Variants in ABCG2 observed in about 807,000 individuals in gnomAD.
ABCG2 encodes the protein broad substrate specificity ATP-binding cassette transporter ABCG2.
In ABCG2, 80 loss-of-function variants were observed where a neutral mutation model predicts 73.5. That is an observed-to-expected ratio of 1.09 (90% CI 0.91 to 1.31). The LOEUF is 1.31. ABCG2 is among the 50% of genes most tolerant of loss of function. ABCG2 has a pLI of 0.00. For missense variants in ABCG2, 796 were observed against 786.2 expected, an observed-to-expected ratio of 1.01 and a Z score of -0.15; for synonymous variants, 269 against 282.4, an observed-to-expected ratio of 0.95 and a Z score of 0.48.
At chr4:88,198,168 C>T (rs1729012554) in intron 1 of ABCG2, among the ~76,000 whole-genome samples, 1 of 151,614 alleles carries the variant, frequency 6.6e-6, no homozygotes, top group Admixed American at 6.6e-5. Flanking sequence ...CCCGTCTCTA[C>T]TAAAAATACA....
chr4:88,205,662 C>T (rs72877212), intron 1 of ABCG2, among the ~76,000 whole-genome samples: 6,261 of 141,074 alleles, frequency 0.044, 440 homozygotes, highest in African/African-American at 0.15. Context: ...AGCCCTTTAT[C>T]ATTTTATCTT....
At chr4:88,164,717 A>T (rs543458952) in intron 1 of ABCG2, among the ~76,000 whole-genome samples, 1 of 152,320 alleles carries the variant, frequency 6.6e-6, no homozygotes, top group East Asian at 1.9e-4. Context: ...TTTTTAAAAA[A>T]TTGTAACAAA....
chr4:88,091,481 C>G lies in ABCG2; in HGVS notation c.*753G>C, dbSNP rs996021200. 1 of 152,094 alleles carries G rather than the reference C, an allele frequency of 6.6e-6. No homozygotes were observed. Among genetic ancestry groups the G allele is most frequent in the Non-Finnish European group, 1.5e-5 (1 of 68,036 alleles). The allele number at this position is 152,094 out of a possible 1,614,324, so 9.4% of individuals were successfully genotyped here. On this transcript the variant is annotated 3_prime_UTR_variant, in exon 16 of 16. Coordinates refer to ENST00000237612, the MANE Select transcript of ABCG2 (RefSeq NM_004827.3). ...CAGATTTTTGTATTTTAGCAAAGTT[C>G]CTCAGATGATTCTGACGCACACCTG... is the stretch of plus-strand genomic sequence containing the variant.
chr4:88,157,595 A>G (rs1727031432), intron 1 of ABCG2, among the ~76,000 whole-genome samples: 1 of 152,222 alleles, frequency 6.6e-6, no homozygotes, highest in Non-Finnish European at 1.5e-5. Context: ...AAAATAACCA[A>G]CATCTTTCAA....
At chr4:88,178,205 G>A (rs907784861) in intron 1 of ABCG2, among the ~76,000 whole-genome samples, 1 of 152,152 alleles carries the variant, frequency 6.6e-6, no homozygotes, top group Non-Finnish European at 1.5e-5. Context: ...GAGTAAAGAT[G>A]ACTTTGTCTT....
At position 88,131,225 on chromosome 4, in the gene ABCG2, T is replaced by C. The variant is rs2231141; in HGVS notation, c.379-12A>G. The C allele has an allele frequency of 1.4e-5, 23 of 1,613,204 alleles. 1 individual carries two copies. In the South Asian group the frequency reaches 1.9e-4, roughly 13 times the overall value. On this transcript the variant is annotated splice_polypyrimidine_tract_variant and intron_variant, in intron 4 of 15. Transcript: ENST00000237612. ...ATCACAACATCATCCTTAAGGCAAA[T>C]AGCATTTTAATGAGACATAATGATA...
chr4:88,230,308 T>TATGTATATATATATATATATATA (rs746680651), intron 1 of ABCG2, among the ~76,000 whole-genome samples: 1 of 96,236 alleles, frequency 1.0e-5, no homozygotes, highest in East Asian at 2.6e-4. Flanking sequence ...TATATATATA[T>TATGTATATATATATATATATATA]TTTTTTTTTT....
At chr4:88,122,443 C>T (rs1280252452) in intron 5 of ABCG2, among the ~76,000 whole-genome samples, 1 of 152,188 alleles carries the variant, frequency 6.6e-6, no homozygotes, top group Non-Finnish European at 1.5e-5. Context: ...ACTGCCAGCA[C>T]AGCAGTCTAA....
intron 1 of ABCG2, among the ~76,000 whole-genome samples, chr4:88,221,587 G>A (rs4693938): frequency 0.99 from 151,454 of 152,288 alleles, 75,317 homozygotes; most frequent in East Asian, 1. Flanking sequence ...AAATGCTGAT[G>A]GTGATATGGA....
chr4:88,184,459 C>CAAATA (rs938675266), intron 1 of ABCG2, among the ~76,000 whole-genome samples: 1 of 151,724 alleles, frequency 6.6e-6, no homozygotes, highest in African/African-American at 2.4e-5. Context: ...ACAATAGCTA[C>CAAATA]AAATAAAATA....
intron 1 of ABCG2, among the ~76,000 whole-genome samples, chr4:88,180,717 C>T (rs1728202087): frequency 6.6e-6 from 1 of 152,020 alleles, no homozygotes; most frequent in South Asian, 2.1e-4. Flanking sequence ...CATGCCACTG[C>T]ACCCTAACCT....
chr4:88,107,308 A>T (rs756164052), intron 9 of ABCG2, 42 bp from the exon 10 acceptor site: 1 of 1,401,224 alleles, frequency 7.1e-7, no homozygotes, highest in Non-Finnish European at 9.9e-7. Context: ...AAGAGTTTCA[A>T]TTAGAGATAA....
intron 1 of ABCG2, among the ~76,000 whole-genome samples, chr4:88,147,000 A>C (rs1038181797): frequency 1.8e-5 from 2 of 108,142 alleles, no homozygotes; most frequent in African/African-American, 8.7e-5. Flanking sequence ...GAAAGAAAGA[A>C]GAAAGAGAAA....
At chr4:88,129,424 G>T (rs1166163079) in intron 5 of ABCG2, among the ~76,000 whole-genome samples, 3 of 152,078 alleles carry the variant, frequency 2.0e-5, no homozygotes, top group Non-Finnish European at 4.4e-5. Flanking sequence ...AAACTAGGAA[G>T]TCAATAGCTG....
intron 10 of ABCG2, among the ~76,000 whole-genome samples, chr4:88,106,500 T>G (rs916745482): frequency 6.6e-6 from 1 of 152,124 alleles, no homozygotes; most frequent in Non-Finnish European, 1.5e-5. Flanking sequence ...CTAAAGGAAA[T>G]GAGTCAGTTA....
chr4:88,194,436 G>T (rs1465757624), intron 1 of ABCG2, among the ~76,000 whole-genome samples: 1 of 151,738 alleles, frequency 6.6e-6, no homozygotes, highest in East Asian at 2.0e-4. Context: ...TGTAGTCCCA[G>T]CTACTCGGGA....
chr4:88,215,025 G>A (rs921708340), intron 1 of ABCG2, among the ~76,000 whole-genome samples: 1 of 152,134 alleles, frequency 6.6e-6, no homozygotes, highest in Non-Finnish European at 1.5e-5. Flanking sequence ...CCAGGACGTT[G>A]AGGTTTCAGT....
At chr4:88,176,157 G>GTTTTTTTTTTTTTTTT (rs139194019) in intron 1 of ABCG2, among the ~76,000 whole-genome samples, 1 of 150,706 alleles carries the variant, frequency 6.6e-6, no homozygotes, top group African/African-American at 2.5e-5. Context: ...GATTATTCTT[G>GTTTTTTTTTTTTTTTT]TTTTTTTTTT....
At chr4:88,147,374 T>C (rs1726130853) in intron 1 of ABCG2, among the ~76,000 whole-genome samples, 2 of 152,246 alleles carry the variant, frequency 1.3e-5, no homozygotes, top group South Asian at 4.1e-4. Flanking sequence ...TAAAACGTTC[T>C]GCAAGCTTGG....
Sources: allele counts gnomAD v4.1 joint callset (sites outside exome capture counted in the v4.1 genomes callset), GRCh38; gene constraint gnomAD v4.1.1; transcripts MANE v1.5; gene names NCBI Gene and HGNC (gene_info 2026-07-23, HGNC 2026-07-21).